Variants in PDXK observed in about 807,000 individuals in gnomAD.
PDXK encodes the protein pyridoxal kinase, also known as epididymis secretory sperm binding protein Li 1a.
A neutral mutation model predicts 43.2 loss-of-function variants in PDXK; 15 were observed. The observed-to-expected ratio is 0.35, with a 90% CI of 0.23 to 0.53. PDXK has a LOEUF of 0.53. Ranked by LOEUF, PDXK falls within the 20% of genes least tolerant of loss-of-function variation. The pLI, the probability that PDXK is intolerant of heterozygous loss-of-function variation, is 0.92. For missense variants in PDXK, 343 were observed against 417.0 expected, an observed-to-expected ratio of 0.82 and a Z score of 1.54; for synonymous variants, 172 against 165.4, an observed-to-expected ratio of 1.04 and a Z score of -0.31.
chr21:43,731,512 C>A (rs1025722741), intron 1 of PDXK, among the ~76,000 whole-genome samples: 1 of 152,238 alleles, frequency 6.6e-6, no homozygotes, highest in Non-Finnish European at 1.5e-5. Context: ...CAAGGTGATT[C>A]ACATACACAG....
intron 2 of PDXK, among the ~76,000 whole-genome samples, chr21:43,736,596 G>A (rs1396836370): frequency 1.3e-5 from 2 of 151,872 alleles, no homozygotes; most frequent in African/African-American, 4.8e-5. Context: ...GCTCATTCGC[G>A]ACTCTGCCCA....
At chr21:43,755,146 G>C (rs979493083) in intron 9 of PDXK, among the ~76,000 whole-genome samples, 1 of 152,176 alleles carries the variant, frequency 6.6e-6, no homozygotes, top group Non-Finnish European at 1.5e-5. Context: ...GTCGGGGAGC[G>C]AGTTCCCCGT....
Position 43,737,524 on chromosome 21 carries a change from G to A in PDXK, c.142+3401G>A. On this transcript the variant is annotated intron_variant, in intron 2 of 10. Transcript: ENST00000291565. The surrounding 1 kb of genome is among the most constrained non-coding windows in gnomAD (Gnocchi z 4.8). ...AGCCTGCGGAGCTGGAGGTCAGCGGGTGGACGGGTTGCGCTGTCCTGGCTT... is the reference window on the plus strand; with the variant it reads ...AGCCTGCGGAGCTGGAGGTCAGCGGATGGACGGGTTGCGCTGTCCTGGCTT... The A allele has an allele frequency of 3.9e-6, 4 of 1,027,814 alleles. No homozygotes were observed. The highest frequency in any genetic ancestry group is 4.7e-6 in the Non-Finnish European group (4 of 854,450). 63.7% of individuals were successfully genotyped at this position (1,027,814 alleles called of 1,614,324 possible).
intron 2 of PDXK, chr21:43,738,155 C>A: frequency 1.7e-6 from 1 of 575,746 alleles, no homozygotes; most frequent in Non-Finnish European, 2.2e-6. Flanking sequence ...GGAGCCCCTA[C>A]AGAGGTCAGC....
intron 9 of PDXK, 25 bp downstream of exon 9, chr21:43,753,744 C>A: frequency 8.2e-6 from 13 of 1,594,110 alleles, no homozygotes; most frequent in Non-Finnish European, 6.9e-6. Context: ...CCGCTCCCCT[C>A]CTCGCCCACT....
At chr21:43,743,463 C>T (rs1206554636) in intron 3 of PDXK, among the ~76,000 whole-genome samples, 2 of 92,940 alleles carry the variant, frequency 2.2e-5, no homozygotes, top group African/African-American at 4.5e-5. Flanking sequence ...CACCTCCCTC[C>T]CCCCAGCCCC....
rs746494388 is a variant in PDXK at position 43,755,750 on chromosome 21, TC to T, written c.814del (p.Gln272SerfsTer11). ...STLHHVLQRT[I>X]QCAKAQAGEG... ...TTGCACCACGTTCTGCAGAGGACCA[TC>T]CAGTGTGCAAAAGGTACGGCGGCCG... On this transcript the variant is annotated frameshift_variant, in exon 10 of 11. Coordinates refer to ENST00000291565, the MANE Select transcript of PDXK (RefSeq NM_003681.5). LOFTEE classifies it high-confidence loss of function. 2 of 1,614,030 alleles carry T rather than the reference TC, an allele frequency of 1.2e-6. No homozygotes were observed. Among genetic ancestry groups the T allele is most frequent in the Non-Finnish European group, 1.7e-6 (2 of 1,179,910 alleles).
rs1210751587 is a variant in PDXK at position 43,758,686 on chromosome 21, C to T, written c.*2623C>T. 1.3e-5 allele frequency: 2 copies of T among 153,226 alleles called. No individual in the cohort carries two copies. Among genetic ancestry groups the T allele is most frequent in the Non-Finnish European group, 2.9e-5 (2 of 68,034 alleles). The allele number at this position is 153,226 out of a possible 1,614,324, so 9.5% of individuals were successfully genotyped here. On this transcript the variant is annotated 3_prime_UTR_variant, in exon 11 of 11. Coordinates refer to ENST00000291565, the MANE Select transcript of PDXK (RefSeq NM_003681.5). ...AGAATTGATCTTTGTTTTCACTTTC[C>T]ATAGTTAATAACATGCAAAATAATG...
At position 43,756,607 on chromosome 21, in the gene PDXK, C is replaced by T. The variant is rs2083855771; in HGVS notation, c.*544C>T. 6.5e-6 allele frequency: 1 copy of T among 153,674 alleles called. No individual in the cohort carries two copies. The highest frequency in any genetic ancestry group is 1.4e-5 in the Non-Finnish European group (1 of 69,096). The allele number at this position is 153,674 out of a possible 1,614,324, so 9.5% of individuals were successfully genotyped here. A position where few individuals can be genotyped will look rare whatever the true frequency, so the allele number is the denominator to read the frequency against. On this transcript the variant is annotated 3_prime_UTR_variant, in exon 11 of 11. Coordinates refer to ENST00000291565, the MANE Select transcript of PDXK (RefSeq NM_003681.5). The stretch of plus-strand genomic sequence containing the variant: ...GTTCTTACTTTGCTGCTCGTTTAGT[C>T]CCTGGGGATTTCAGATCTTAGGCTG...
rs2083186468 is a variant in PDXK at position 43,719,265 on chromosome 21, C to T, written c.-30C>T. 1 of 1,349,764 alleles carries T rather than the reference C, an allele frequency of 7.4e-7. No homozygotes were observed. The highest frequency in any genetic ancestry group is 3.2e-5 in the East Asian group (1 of 31,578). 83.6% of individuals were successfully genotyped at this position (1,349,764 alleles called of 1,614,324 possible). ...AGCGGCGGAGACCGTGCCCCCGCCT[C>T]GGCCCCGCGCCGCCGCGGCCAGGCC... On this transcript the variant is annotated 5_prime_UTR_variant, in exon 1 of 11. Coordinates refer to ENST00000291565, the MANE Select transcript of PDXK (RefSeq NM_003681.5).
At chr21:43,755,482 T>C (rs2083831106) in intron 9 of PDXK, 2 of 584,864 alleles carry the variant, frequency 3.4e-6, no homozygotes, top group Non-Finnish European at 6.1e-6. Context: ...AGCAGGTAGC[T>C]GGGACCGGGC....
intron 6 of PDXK, among the ~76,000 whole-genome samples, chr21:43,750,020 G>GC (rs34571201): frequency 4.0e-5 from 6 of 151,070 alleles, no homozygotes; most frequent in Admixed American, 1.3e-4. Flanking sequence ...CAGGTCTTGA[G>GC]CCCCCCCATT....
intron 1 of PDXK, among the ~76,000 whole-genome samples, chr21:43,721,180 G>A (rs971537891): frequency 1.3e-5 from 2 of 152,218 alleles, no homozygotes; most frequent in Non-Finnish European, 2.9e-5. Flanking sequence ...GAGACCCAGC[G>A]AGCCTGGACC....
At position 43,746,095 on chromosome 21, in the gene PDXK, G is replaced by T. The variant is rs1247940713; in HGVS notation, c.348G>T (p.Leu116Phe). 6.2e-7 allele frequency: 1 copy of T among 1,613,802 alleles called. No individual in the cohort carries two copies. Among genetic ancestry groups the T allele is most frequent in the East Asian group, 2.2e-5 (1 of 44,890 alleles). Residue 116 changes from leucine to phenylalanine, a missense_variant, in exon 5 of 11, where the codon TTG becomes TTT. Physicochemically the swap from Leu to Phe is conservative, Grantham distance 22 (BLOSUM62 0). Transcript: ENST00000291565. Reference sequence around the variant, plus strand: ...TCTCTGCAGTGTGTGATCCAGTCTTGGGTGACAAGTGGGACGGCGAAGGCT... The same window carrying T: ...TCTCTGCAGTGTGTGATCCAGTCTTTGGTGACAAGTGGGACGGCGAAGGCT... The part of the protein sequence containing the change: ...PRLVYVCDPV[L>F]GDKWDGEGSM...
rs1178186354 is a variant in PDXK, at chr21:43,759,921, A to T, written c.*3858A>T. 6.6e-6 allele frequency: 1 copy of T among 152,346 alleles called. No individual in the cohort carries two copies. Among genetic ancestry groups the T allele is most frequent in the Non-Finnish European group, 1.5e-5 (1 of 68,026 alleles). 9.4% of individuals were successfully genotyped at this position (152,346 alleles called of 1,614,324 possible). On this transcript the variant is annotated 3_prime_UTR_variant, in exon 11 of 11. Transcript: ENST00000291565. ...CCCAGAAGGACCCCAGGCCCTGGGGAGGGTGGCTGTGGGAGGCCAAGTCCA... is the reference window on the plus strand; with the variant it reads ...CCCAGAAGGACCCCAGGCCCTGGGGTGGGTGGCTGTGGGAGGCCAAGTCCA...
intron 1 of PDXK, among the ~76,000 whole-genome samples, chr21:43,729,968 A>G (rs557415880): frequency 2.6e-5 from 4 of 150,996 alleles, no homozygotes; most frequent in Non-Finnish European, 5.9e-5. Context: ...AAAACAAAAC[A>G]AAAAAAACAA....
intron 6 of PDXK, among the ~76,000 whole-genome samples, chr21:43,749,309 T>A (rs1002582802): frequency 6.6e-6 from 1 of 152,178 alleles, no homozygotes; most frequent in African/African-American, 2.4e-5. Flanking sequence ...TTCACCATGT[T>A]GGCCAGGCTG....
chr21:43,739,548 A>G (rs1294090650), intron 2 of PDXK, among the ~76,000 whole-genome samples: 1 of 147,506 alleles, frequency 6.8e-6, no homozygotes, highest in Non-Finnish European at 1.5e-5. Context: ...CACCTCCTTC[A>G]CATTGGCGGC....
intron 1 of PDXK, among the ~76,000 whole-genome samples, chr21:43,727,384 G>A (rs544866067): frequency 6.6e-6 from 1 of 152,342 alleles, no homozygotes; most frequent in Admixed American, 6.5e-5. Context: ...TGCCCACAGA[G>A]CAGCCGCCTT....
Sources: allele counts gnomAD v4.1 joint callset (sites outside exome capture counted in the v4.1 genomes callset), GRCh38; gene constraint gnomAD v4.1.1; non-coding constraint Gnocchi (gnomAD v3.1); transcripts MANE v1.5; gene names NCBI Gene and HGNC (gene_info 2026-07-23, HGNC 2026-07-21).